The following PALM variants were observed in gnomAD, a reference collection of about 807,000 sequenced individuals.
PALM encodes paralemmin-1.
PALM carries 18 observed loss-of-function variants against 30.7 expected under a neutral mutation model. The ratio of observed to expected loss-of-function variants is 0.59; its 90% confidence interval spans 0.41 to 0.87. PALM has a LOEUF of 0.87. PALM is among the 40% of genes least tolerant of loss of function. The probability of loss-of-function intolerance (pLI) is 0.00; values close to 1 mark genes in which losing one functional copy is unlikely to be tolerated. For synonymous variants in PALM, 286 were observed against 242.8 expected (o/e 1.18, Z -1.66); for missense variants, 529 against 555.4 (o/e 0.95, Z 0.48).
chr19:742,644 C>T lies in PALM; in HGVS notation c.634+2161C>T, dbSNP rs183526953. 6.7e-6 allele frequency among the ~76,000 whole-genome samples: 1 copy of T among 150,168 alleles called. No individual in the cohort carries two copies. Among genetic ancestry groups the T allele is most frequent in the East Asian group, 1.9e-4 (1 of 5,138 alleles). ...AGAAAGAAAAGAGAATAAATGGGGT[C>T]ACACACTGCACGTGGCCTTCTGTGT... is the stretch of plus-strand genomic sequence containing the variant. On this transcript the variant is annotated intron_variant, in intron 8 of 8. Transcript: ENST00000338448. This position sits in a 1 kb window ranked among gnomAD's most constrained non-coding sequence, Gnocchi z 5.5.
In PALM at chr19:739,119, C is replaced by T. The variant is rs1235845619; in HGVS notation, c.503-1233C>T. ...TTAGGATGCAGGCTCTGTGTGGTTT[C>T]TGCAGGAATGATTTTTACAGAGTGG... On this transcript the variant is annotated intron_variant, in intron 7 of 8. Transcript: ENST00000338448. Among the ~76,000 whole-genome samples, 4 of 152,126 alleles carry T rather than the reference C, an allele frequency of 2.6e-5. No homozygotes were observed. In the East Asian group the frequency reaches 5.8e-4, roughly 22 times the overall value.
chr19:746,865 C>A lies in PALM; in HGVS notation c.*51C>A. On this transcript the variant is annotated 3_prime_UTR_variant, in exon 9 of 9. Transcript: ENST00000338448. The surrounding 1 kb of genome is among the most constrained non-coding windows in gnomAD (Gnocchi z 7.1). ...ACCCCACACCACAGACACCCACCAG[C>A]CCGGCCCCTCCCGGCGCCTGCCCAC... 9.1e-7 allele frequency: 1 copy of A among 1,103,562 alleles called. No homozygotes were observed. The highest frequency in any genetic ancestry group is 1.3e-6 in the Non-Finnish European group (1 of 788,690). The allele number at this position is 1,103,562 out of a possible 1,614,324, so 68.4% of individuals were successfully genotyped here. A position where few individuals can be genotyped will look rare whatever the true frequency, so the allele number is the denominator to read the frequency against.
At chr19:721,401 G>T (rs1370927781) in intron 1 of PALM, among the ~76,000 whole-genome samples, 3 of 151,922 alleles carry the variant, frequency 2.0e-5, no homozygotes, top group East Asian at 1.9e-4. Flanking sequence ...GAGTAGCTGG[G>T]ATTACAGGCG....
chr19:720,142 G>A (rs974610682), intron 1 of PALM, among the ~76,000 whole-genome samples: 1 of 149,952 alleles, frequency 6.7e-6, no homozygotes, highest in African/African-American at 2.4e-5. Context: ...CCCCAGGCCC[G>A]AAGCCTCGGC....
chr19:712,115 C>G (rs953960490), intron 1 of PALM, among the ~76,000 whole-genome samples: 4 of 151,822 alleles, frequency 2.6e-5, no homozygotes, highest in Non-Finnish European at 5.9e-5. Flanking sequence ...CTCCGCCTCC[C>G]GGGTTCAAGC....
In PALM at chr19:709,052, C is replaced by A. The variant is rs976982210; in HGVS notation, c.-95C>A. 8 of 191,708 alleles carry A rather than the reference C, an allele frequency of 4.2e-5. No individual in the cohort carries two copies. The highest frequency in any genetic ancestry group is 6.3e-5 in the Non-Finnish European group (6 of 95,292). 11.9% of individuals were successfully genotyped at this position (191,708 alleles called of 1,614,324 possible). On this transcript the variant is annotated 5_prime_UTR_variant, in exon 1 of 9. Coordinates refer to ENST00000338448, the MANE Select transcript of PALM (RefSeq NM_002579.3). This position sits in a 1 kb window ranked among gnomAD's most constrained non-coding sequence, Gnocchi z 4.3. ...CCAGGCCTTAGCCCGCCCCGGCCCC[C>A]GCCAGGCCGCGTCCCCCTCCCCTCC...
In PALM at chr19:726,994, G is replaced by GCCCCCC; in HGVS notation, c.58-14_58-13insCCCCCC. 2 of 484,258 alleles carry GCCCCCC rather than the reference G, an allele frequency of 4.1e-6. No homozygotes were observed. Among genetic ancestry groups the GCCCCCC allele is most frequent in the Non-Finnish European group, 3.4e-6 (1 of 294,828 alleles). 30.0% of individuals were successfully genotyped at this position (484,258 alleles called of 1,614,324 possible). On this transcript the variant is annotated splice_polypyrimidine_tract_variant and intron_variant, in intron 2 of 8. Transcript: ENST00000338448. ...CCCACGCCCATCCCTGACCCCACCC[G>GCCCCCC]GCCCTCCCCACAGGAGAAGCGGAAG...
intron 1 of PALM, among the ~76,000 whole-genome samples, chr19:724,049 G>A (rs1336415056): frequency 4.6e-5 from 7 of 152,182 alleles, no homozygotes; most frequent in Admixed American, 3.9e-4. Context: ...CCTGAACTCC[G>A]TGTGAACCAC....
chr19:718,144 C>T (rs902425936), intron 1 of PALM, among the ~76,000 whole-genome samples: 26 of 151,954 alleles, frequency 1.7e-4, no homozygotes, highest in African/African-American at 2.4e-4. Context: ...ATCGCGCCAC[C>T]GCACTCCAGC....
chr19:740,272 C>G (rs7245884), intron 7 of PALM, 80 bp from the exon 8 acceptor site: 46 of 1,406,320 alleles, frequency 3.3e-5, no homozygotes, highest in African/African-American at 1.0e-4. Context: ...CTGGCTCCCC[C>G]CTCCCTGGCT....
At chr19:712,937 A>C (rs1359507672) in intron 1 of PALM, among the ~76,000 whole-genome samples, 1 of 152,124 alleles carries the variant, frequency 6.6e-6, no homozygotes, top group Non-Finnish European at 1.5e-5. Flanking sequence ...GGGCCTCCCA[A>C]AATGCTGGCA....
intron 4 of PALM, among the ~76,000 whole-genome samples, chr19:729,868 A>G (rs2032815642): frequency 1.3e-5 from 2 of 152,186 alleles, no homozygotes; most frequent in African/African-American, 4.8e-5. Flanking sequence ...CCCTGTCTGC[A>G]GAGAGGTGGA....
At position 709,208 on chromosome 19, in the gene PALM, A is replaced by C; in HGVS notation, c.5+57A>C. On this transcript the variant is annotated intron_variant, in intron 1 of 8. Transcript: ENST00000338448. The surrounding 1 kb of genome is among the most constrained non-coding windows in gnomAD (Gnocchi z 4.3). The stretch of plus-strand genomic sequence containing the variant: ...GGGCCCGGAGCTCCGGGAGCCGGGG[A>C]GGGGGGAGGCCCCCTCTCTCGCGCC... 2 of 292,656 alleles carry C rather than the reference A, an allele frequency of 6.8e-6. No individual in the cohort carries two copies. Among genetic ancestry groups the C allele is most frequent in the Non-Finnish European group, 1.3e-5 (2 of 158,614 alleles). 18.1% of individuals were successfully genotyped at this position (292,656 alleles called of 1,614,324 possible).
intron 1 of PALM, among the ~76,000 whole-genome samples, chr19:720,246 C>T (rs1462044504): frequency 6.6e-6 from 1 of 151,846 alleles, no homozygotes; most frequent in East Asian, 2.0e-4. Context: ...ATGGGGACGG[C>T]GCGGTTGCCA....
At chr19:740,594 T>C in intron 8 of PALM, 111 bp downstream of exon 8, 1 of 1,053,956 alleles carries the variant, frequency 9.5e-7, no homozygotes, top group Non-Finnish European at 1.4e-6. Context: ...CCCGATTCGA[T>C]GTGAAGCAGA....
At chr19:729,387 G>T (rs540628597) in intron 4 of PALM, among the ~76,000 whole-genome samples, 1 of 151,572 alleles carries the variant, frequency 6.6e-6, no homozygotes, top group East Asian at 1.9e-4. Flanking sequence ...GGAATGAGCC[G>T]AGTGTTACCC....
chr19:709,883 GA>G lies in PALM; in HGVS notation c.5+733del, dbSNP rs1404595687. 1.3e-5 allele frequency among the ~76,000 whole-genome samples: 2 copies of G among 151,394 alleles called. No individual in the cohort carries two copies. The highest frequency in any genetic ancestry group is 4.9e-5 in the African/African-American group (2 of 40,960). On this transcript the variant is annotated intron_variant, in intron 1 of 8. Transcript: ENST00000338448. This position sits in a 1 kb window ranked among gnomAD's most constrained non-coding sequence, Gnocchi z 4.3. ...GGCTGGCCCTGGGCTGGGATCCCTGGACCCCCGCATGGCTGCGCCTGTGTGT... is the reference window on the plus strand; with the variant it reads ...GGCTGGCCCTGGGCTGGGATCCCTGGCCCCCGCATGGCTGCGCCTGTGTGT...
chr19:711,295 G>A (rs2032072728), intron 1 of PALM: 2 of 493,476 alleles, frequency 4.1e-6, no homozygotes, highest in South Asian at 1.7e-4. Context: ...CGTGACACAT[G>A]GTCTGGCTGG....
At chr19:731,019 G>T (rs185016078) in intron 4 of PALM, 76 bp from the exon 5 acceptor site, 3 of 910,726 alleles carry the variant, frequency 3.3e-6, no homozygotes, top group Admixed American at 3.1e-5. Context: ...AGACACTGGG[G>T]AGCTGTCGTA....
Sources: gnomAD v4.1 joint callset for allele counts (sites outside exome capture counted in the v4.1 genomes callset) on GRCh38, gnomAD v4.1.1 for gene constraint, Gnocchi (gnomAD v3.1) non-coding constraint, MANE v1.5 for transcripts, NCBI Gene and HGNC (gene_info 2026-07-23, HGNC 2026-07-21) for gene names.